Variants in PRKAG2 observed in about 807,000 individuals in gnomAD.
PRKAG2 encodes 5'-AMP-activated protein kinase subunit gamma-2.
A neutral mutation model predicts 69.6 loss-of-function variants in PRKAG2; 26 were observed. The ratio of observed to expected loss-of-function variants is 0.37; its 90% CI spans 0.27 to 0.52. The LOEUF is 0.52. Among genes scored for constraint, PRKAG2 ranks in the 20% least tolerant of loss-of-function variants. PRKAG2 has a pLI of 0.90. For synonymous variants in PRKAG2, 293 were observed against 285.0 expected (o/e 1.03, Z -0.28); for missense variants, 557 against 740.0 (o/e 0.75, Z 2.87).
At chr7:151,734,107 G>A (rs751505492) in intron 3 of PRKAG2, 1 of 152,096 alleles carries the variant, frequency 6.6e-6, no homozygotes, top group Non-Finnish European at 1.5e-5. Flanking sequence ...TCACAAGATT[G>A]AACACTCTCT....
intron 1 of PRKAG2, among the ~76,000 whole-genome samples, chr7:151,792,527 A>G (rs2077311168): frequency 1.3e-5 from 2 of 152,224 alleles, no homozygotes; most frequent in African/African-American, 4.8e-5. Context: ...GCAGGTGCTA[A>G]GTGTATATCG....
At chr7:151,755,301 G>C (rs772073155) in intron 3 of PRKAG2, among the ~76,000 whole-genome samples, 92 of 152,280 alleles carry the variant, frequency 6.0e-4, no homozygotes, top group Non-Finnish European at 1.3e-3. Flanking sequence ...GGGTGTTCTG[G>C]CTCCAGGGTG....
rs757047965 is a variant in PRKAG2, at chr7:151,560,577, A to G, written c.1625T>C (p.Val542Ala). The G allele has an allele frequency of 1.9e-6, 3 of 1,613,998 alleles. No homozygotes were observed. The Admixed American group carries it at 5.0e-5, about 27-fold the overall frequency. Residue 542 changes from valine to alanine, a missense_variant, in exon 15 of 16, where the codon GTG becomes GCG. Val to Ala is a moderately conservative substitution (Grantham distance 64). This residue lies in a region of PRKAG2 where 205 missense variants were observed against 383.4 expected (regional missense o/e 0.53). Coordinates refer to ENST00000287878, the MANE Select transcript of PRKAG2 (RefSeq NM_016203.4). ...LVVVNEADSIVGIISLSDILQ... is the reference protein window; with the variant it reads ...LVVVNEADSIAGIISLSDILQ... Reference sequence around the variant, plus strand: ...AATGTCCGACAGGGAAATAATACCCACAATACTATCTGCTTCATTTACCAC... The same window carrying G: ...AATGTCCGACAGGGAAATAATACCCGCAATACTATCTGCTTCATTTACCAC...
chr7:151,708,932 G>A (rs564644629), intron 3 of PRKAG2, among the ~76,000 whole-genome samples: 65 of 152,262 alleles, frequency 4.3e-4, no homozygotes, highest in Non-Finnish European at 8.2e-4. Flanking sequence ...CACTGCTCTC[G>A]TCAGAGCCCA....
chr7:151,600,606 G>A (rs763309941), intron 5 of PRKAG2, among the ~76,000 whole-genome samples: 33 of 152,088 alleles, frequency 2.2e-4, no homozygotes, highest in African/African-American at 3.1e-4. Flanking sequence ...AATTCCAGAC[G>A]TCTCCTGTCT....
In PRKAG2 at chr7:151,685,138, C is replaced by T. The variant is rs567733024; in HGVS notation, c.467-9501G>A. Among the ~76,000 whole-genome samples the T allele has an allele frequency of 9.8e-4, 150 of 152,298 alleles. 1 individual carries two copies. The highest frequency in any genetic ancestry group is 3.4e-3 in the African/African-American group (140 of 41,558). ...TTCAGCCATTTCTTCTCTTTCCCCC[C>T]AGCCCAGGGTGGGAGTGGCGAGGTC... On this transcript the variant is annotated intron_variant, in intron 3 of 15. Transcript: ENST00000287878.
chr7:151,558,129 C>T (rs572477745), intron 15 of PRKAG2: 65 of 985,324 alleles, frequency 6.6e-5, no homozygotes, highest in East Asian at 2.3e-4. Flanking sequence ...ACTGGATGCA[C>T]GCACACATGG....
At chr7:151,778,869 C>A (rs761080770) in intron 3 of PRKAG2, among the ~76,000 whole-genome samples, 2 of 152,176 alleles carry the variant, frequency 1.3e-5, no homozygotes, top group Non-Finnish European at 2.9e-5. Context: ...ACTAGCAGTC[C>A]AATGCATGTC....
intron 3 of PRKAG2, among the ~76,000 whole-genome samples, chr7:151,774,192 C>A (rs1053936431): frequency 2.0e-5 from 3 of 152,154 alleles, no homozygotes; most frequent in African/African-American, 7.2e-5. Flanking sequence ...CGAATCCTCA[C>A]GCTACTGTAC....
intron 1 of PRKAG2, among the ~76,000 whole-genome samples, chr7:151,852,036 T>A (rs1056766269): frequency 4.6e-5 from 7 of 152,148 alleles, no homozygotes; most frequent in Non-Finnish European, 1.0e-4. Flanking sequence ...GTCCCATGTC[T>A]GGAAGAATGC....
chr7:151,852,423 G>A (rs1422391500), intron 1 of PRKAG2, among the ~76,000 whole-genome samples: 1 of 152,012 alleles, frequency 6.6e-6, no homozygotes, highest in Non-Finnish European at 1.5e-5. Flanking sequence ...TGAACCCAGG[G>A]GGTGGAGGTT....
At chr7:151,791,140 G>A (rs1287231660) in intron 1 of PRKAG2, among the ~76,000 whole-genome samples, 1 of 152,194 alleles carries the variant, frequency 6.6e-6, no homozygotes, top group East Asian at 1.9e-4. Context: ...TTTGCTGGAA[G>A]GCTCCCCACC....
chr7:151,782,380 A>AGAAG (rs878861161), intron 2 of PRKAG2, among the ~76,000 whole-genome samples: 1,618 of 61,554 alleles, frequency 0.026, 62 homozygotes, highest in African/African-American at 0.036. Flanking sequence ...AGGGAAGGAA[A>AGAAG]GAAGGAAGGA....
chr7:151,825,239 G>C (rs2078881435), intron 1 of PRKAG2, among the ~76,000 whole-genome samples: 2 of 152,060 alleles, frequency 1.3e-5, no homozygotes, highest in Admixed American at 6.6e-5. Flanking sequence ...GTCATTTGTT[G>C]GCTTCTTTGC....
Position 151,632,164 on chromosome 7 carries a change from T to C in PRKAG2, c.685-26A>G. Reference sequence around the variant, plus strand: ...CTGAGGGGGAGGAGGAGGACAGCGATCAGCATGAGCTGCGACGCTCGTCCC... The same window carrying C: ...CTGAGGGGGAGGAGGAGGACAGCGACCAGCATGAGCTGCGACGCTCGTCCC... On this transcript the variant is annotated intron_variant, in intron 4 of 15. Transcript: ENST00000287878. The surrounding 1 kb of genome is among the most constrained non-coding windows in gnomAD (Gnocchi z 4.2). 7.4e-7 allele frequency: 1 copy of C among 1,357,054 alleles called. No homozygotes were observed. The allele number at this position is 1,357,054 out of a possible 1,614,324, so 84.1% of individuals were successfully genotyped here.
intron 6 of PRKAG2, among the ~76,000 whole-genome samples, chr7:151,581,868 C>T (rs1201461727): frequency 6.6e-6 from 1 of 152,212 alleles, no homozygotes; most frequent in Non-Finnish European, 1.5e-5. Flanking sequence ...TAATCTGCTA[C>T]AAAAGCGTTC....
At chr7:151,747,768 G>T (rs1242388973) in intron 3 of PRKAG2, among the ~76,000 whole-genome samples, 1 of 152,060 alleles carries the variant, frequency 6.6e-6, no homozygotes, top group Non-Finnish European at 1.5e-5. Context: ...CCACTTGATT[G>T]TTCACTCTTT....
At position 151,781,277 on chromosome 7, in the gene PRKAG2, G is replaced by A. The variant is rs375174733; in HGVS notation, c.341C>T (p.Pro114Leu). Residue 114 changes from proline to leucine, a missense_variant, in exon 3 of 16, where the codon CCG (proline) becomes CTG (leucine). Physicochemically the swap from Pro to Leu is moderately conservative, Grantham distance 98. This residue lies in a region of PRKAG2 where 352 missense variants were observed against 356.7 expected (regional missense o/e 0.99). Coordinates refer to ENST00000287878, the MANE Select transcript of PRKAG2 (RefSeq NM_016203.4). This position sits in a 1 kb window ranked among gnomAD's most constrained non-coding sequence, Gnocchi z 6.1. The part of the protein sequence containing the change: ...TVFPFSYQES[P>L]PRSPRRMSFS... ...GCTCATGCGTCGAGGGGAGCGTGGCGGGGACTCCTGGTAGGAGAACGGGAA... is the reference window on the plus strand; with the variant it reads ...GCTCATGCGTCGAGGGGAGCGTGGCAGGGACTCCTGGTAGGAGAACGGGAA... 44 of 1,614,070 alleles carry A rather than the reference G, an allele frequency of 2.7e-5. 1 individual carries two copies. Among genetic ancestry groups the A allele is most frequent in the South Asian group, 9.9e-5 (9 of 91,082 alleles).
intron 1 of PRKAG2, among the ~76,000 whole-genome samples, chr7:151,832,605 G>GT (rs1554614835): frequency 2.1e-4 from 31 of 151,122 alleles, no homozygotes; most frequent in African/African-American, 7.5e-4. Flanking sequence ...TGGGGGGGGG[G>GT]TCCCAGCACA....
Sources: gnomAD v4.1 joint callset for allele counts (sites outside exome capture counted in the v4.1 genomes callset) on GRCh38, gnomAD v4.1.1 for gene constraint, gnomAD v4.1.1 regional missense constraint, Gnocchi (gnomAD v3.1) non-coding constraint, MANE v1.5 for transcripts, NCBI Gene and HGNC (gene_info 2026-07-23, HGNC 2026-07-21) for gene names.